Variants in ST6GALNAC5 observed in about 807,000 individuals in gnomAD.
ST6GALNAC5 encodes alpha-N-acetylgalactosaminide alpha-2,6-sialyltransferase 5.
In ST6GALNAC5, 27 loss-of-function variants were observed where a neutral mutation model predicts 33.6. The ratio of observed to expected loss-of-function variants is 0.80; its 90% CI spans 0.59 to 1.11. The LOEUF (loss-of-function observed/expected upper bound fraction) is 1.11, where lower values mean the gene tolerates loss of function less well. Among genes scored for constraint, ST6GALNAC5 ranks in the 50% least tolerant of loss-of-function variants. The pLI, the probability that ST6GALNAC5 is intolerant of heterozygous loss-of-function variation, is 0.00. For missense variants in ST6GALNAC5, 428 were observed against 454.0 expected, an observed-to-expected ratio of 0.94 and a Z score of 0.52; for synonymous variants, 194 against 171.2, an observed-to-expected ratio of 1.13 and a Z score of -1.04.
At chr1:76,988,565 T>A (rs1649600405) in intron 2 of ST6GALNAC5, among the ~76,000 whole-genome samples, 1 of 152,100 alleles carries the variant, frequency 6.6e-6, no homozygotes, top group African/African-American at 2.4e-5. Flanking sequence ...CTGATTTTAG[T>A]CAATAATTTC....
At chr1:76,917,692 A>C (rs1277234361) in intron 2 of ST6GALNAC5, among the ~76,000 whole-genome samples, 1 of 151,888 alleles carries the variant, frequency 6.6e-6, no homozygotes. Flanking sequence ...ATTTATTATA[A>C]ATAATTGGCT....
At chr1:76,930,625 A>C (rs1349168535) in intron 2 of ST6GALNAC5, among the ~76,000 whole-genome samples, 1 of 152,164 alleles carries the variant, frequency 6.6e-6, no homozygotes, top group Non-Finnish European at 1.5e-5. Context: ...ATGGCAAGTC[A>C]GGAATTTTTT....
intron 2 of ST6GALNAC5, among the ~76,000 whole-genome samples, chr1:76,969,398 C>T (rs1348862657): frequency 6.6e-6 from 1 of 152,192 alleles, no homozygotes; most frequent in Non-Finnish European, 1.5e-5. Context: ...TTCAGCAAGT[C>T]CCACTCCCAT....
intron 2 of ST6GALNAC5, among the ~76,000 whole-genome samples, chr1:76,918,178 G>C (rs1010862668): frequency 1.3e-5 from 2 of 152,164 alleles, no homozygotes; most frequent in African/African-American, 4.8e-5. Context: ...AGTTGGAGAA[G>C]AGAATGAAGC....
chr1:76,884,614 A>G (rs1653852588), intron 2 of ST6GALNAC5, among the ~76,000 whole-genome samples: 1 of 152,146 alleles, frequency 6.6e-6, no homozygotes, highest in Non-Finnish European at 1.5e-5. Context: ...AAGAATAAAT[A>G]CTAGAGTAAG....
intron 2 of ST6GALNAC5, among the ~76,000 whole-genome samples, chr1:76,876,290 T>C (rs1653637706): frequency 6.6e-6 from 1 of 152,052 alleles, no homozygotes; most frequent in Admixed American, 6.5e-5. Flanking sequence ...GCCATAGCCA[T>C]GTCAGCCTTG....
At chr1:77,010,733 T>C (rs1650605485) in intron 2 of ST6GALNAC5, among the ~76,000 whole-genome samples, 1 of 152,130 alleles carries the variant, frequency 6.6e-6, no homozygotes, top group Non-Finnish European at 1.5e-5. Flanking sequence ...ACCCCAACAC[T>C]CTGGACTAAA....
At chr1:77,039,404 C>T (rs1481404720) in intron 2 of ST6GALNAC5, among the ~76,000 whole-genome samples, 1 of 152,248 alleles carries the variant, frequency 6.6e-6, no homozygotes, top group Non-Finnish European at 1.5e-5. Context: ...GGCTGAGAGG[C>T]TGCCCAGTGG....
chr1:76,930,992 A>G (rs1316254815), intron 2 of ST6GALNAC5, among the ~76,000 whole-genome samples: 4 of 152,126 alleles, frequency 2.6e-5, no homozygotes, highest in Non-Finnish European at 5.9e-5. Flanking sequence ...AACCAGTACA[A>G]TATGGCAAAG....
chr1:76,889,821 A>G (rs562109042), intron 2 of ST6GALNAC5, among the ~76,000 whole-genome samples: 474 of 152,136 alleles, frequency 3.1e-3, no homozygotes, highest in Non-Finnish European at 5.2e-3. Flanking sequence ...TTTTGTTTTA[A>G]TAATTTTATT....
chr1:77,045,922 G>C (rs1259771966), intron 3 of ST6GALNAC5, among the ~76,000 whole-genome samples: 1 of 152,174 alleles, frequency 6.6e-6, no homozygotes, highest in Non-Finnish European at 1.5e-5. Flanking sequence ...AGTTGTGAGG[G>C]CCTGGACAAG....
At chr1:77,058,298 T>A (rs1280104835) in intron 4 of ST6GALNAC5, among the ~76,000 whole-genome samples, 1 of 152,244 alleles carries the variant, frequency 6.6e-6, no homozygotes, top group African/African-American at 2.4e-5. Context: ...ATGTTTTGTT[T>A]GTTCCCACCA....
chr1:76,879,998 T>TA (rs1231138196), intron 2 of ST6GALNAC5, among the ~76,000 whole-genome samples: 11 of 152,180 alleles, frequency 7.2e-5, no homozygotes, highest in African/African-American at 2.7e-4. Context: ...CTACGGGAGA[T>TA]AAGACTCTCA....
At chr1:76,899,262 G>T (rs890662158) in intron 2 of ST6GALNAC5, among the ~76,000 whole-genome samples, 4 of 151,938 alleles carry the variant, frequency 2.6e-5, no homozygotes, top group African/African-American at 9.7e-5. Context: ...GAAGGTGAAA[G>T]CTTGCCCATA....
intron 2 of ST6GALNAC5, among the ~76,000 whole-genome samples, chr1:76,990,813 C>A (rs1649693689): frequency 6.6e-6 from 1 of 152,112 alleles, no homozygotes. Flanking sequence ...CTAATATGAA[C>A]CCTCATTTAG....
intron 2 of ST6GALNAC5, among the ~76,000 whole-genome samples, chr1:76,992,810 C>T (rs1649788337): frequency 6.6e-6 from 1 of 152,156 alleles, no homozygotes; most frequent in South Asian, 2.1e-4. Context: ...AATAAGAAAA[C>T]TCACTACTTC....
At chr1:76,902,661 T>A (rs558808565) in intron 2 of ST6GALNAC5, among the ~76,000 whole-genome samples, 1 of 152,274 alleles carries the variant, frequency 6.6e-6, no homozygotes, top group African/African-American at 2.4e-5. Flanking sequence ...GTGACGATAA[T>A]CAAACATATG....
chr1:76,874,190 G>A (rs910723312), intron 2 of ST6GALNAC5, among the ~76,000 whole-genome samples: 6 of 152,210 alleles, frequency 3.9e-5, no homozygotes, highest in African/African-American at 1.4e-4. Context: ...TGTGTGCAGG[G>A]TATCCAATGA....
chr1:76,916,658 T>C (rs1340431114), intron 2 of ST6GALNAC5, among the ~76,000 whole-genome samples: 1 of 152,142 alleles, frequency 6.6e-6, no homozygotes, highest in Non-Finnish European at 1.5e-5. Context: ...TATTTCTCTT[T>C]TAATGCTCCG....
Sources: gnomAD v4.1 joint callset for allele counts (sites outside exome capture counted in the v4.1 genomes callset) on GRCh38, gnomAD v4.1.1 for gene constraint, MANE v1.5 for transcripts, NCBI Gene and HGNC (gene_info 2026-07-23, HGNC 2026-07-21) for gene names.